Variants in TMEM65 observed in about 807,000 individuals in gnomAD.
TMEM65 encodes the protein transmembrane protein 65.
In TMEM65, 22 loss-of-function variants were observed where a neutral mutation model predicts 25.4. The observed-to-expected ratio is 0.86, with a 90% CI of 0.62 to 1.23. The LOEUF (loss-of-function observed/expected upper bound fraction) is 1.23, where lower values mean the gene tolerates loss of function less well. Among genes scored for constraint, TMEM65 ranks in the 50% most tolerant of loss-of-function variants. The probability of loss-of-function intolerance (pLI) is 0.00; values close to 1 mark genes in which losing one functional copy is unlikely to be tolerated. For missense variants in TMEM65, 262 were observed against 308.2 expected, an observed-to-expected ratio of 0.85 and a Z score of 1.12; for synonymous variants, 132 against 126.2, an observed-to-expected ratio of 1.05 and a Z score of -0.31.
chr8:124,358,917 C>A (rs1814821661), intron 1 of TMEM65, among the ~76,000 whole-genome samples: 1 of 152,174 alleles, frequency 6.6e-6, no homozygotes, highest in African/African-American at 2.4e-5. Context: ...ATGTTTTGAG[C>A]TATCTGAGTT....
At chr8:124,363,769 G>A (rs543859421) in intron 1 of TMEM65, among the ~76,000 whole-genome samples, 39 of 148,770 alleles carry the variant, frequency 2.6e-4, no homozygotes, top group Admixed American at 1.2e-3. Context: ...CCCGGGAGGC[G>A]GAGCTTGCAG....
At chr8:124,318,532 C>T (rs566866731) in intron 6 of TMEM65, among the ~76,000 whole-genome samples, 43 of 151,730 alleles carry the variant, frequency 2.8e-4, no homozygotes, top group African/African-American at 5.8e-4. Flanking sequence ...CCTGCCACCA[C>T]GCCCAGCTAA....
At chr8:124,341,984 G>C (rs1814588714) in intron 1 of TMEM65, among the ~76,000 whole-genome samples, 1 of 151,998 alleles carries the variant, frequency 6.6e-6, no homozygotes, top group Non-Finnish European at 1.5e-5. Context: ...TGCCAAATAA[G>C]TAATGCTAAA....
intron 1 of TMEM65, among the ~76,000 whole-genome samples, chr8:124,337,932 ATT>A (rs1048653291): frequency 6.6e-6 from 1 of 152,040 alleles, no homozygotes; most frequent in African/African-American, 2.4e-5. Context: ...ATTAAAAGGA[ATT>A]TTGAGGTAAA....
At chr8:124,336,150 T>C (rs961173490) in intron 1 of TMEM65, among the ~76,000 whole-genome samples, 1 of 151,866 alleles carries the variant, frequency 6.6e-6, no homozygotes, top group African/African-American at 2.4e-5. Context: ...GACAAAAGGG[T>C]CAATGCATCA....
In TMEM65 at chr8:124,372,240, G is replaced by A; in HGVS notation, c.-83C>T. 8.5e-7 allele frequency: 1 copy of A among 1,175,542 alleles called. No homozygotes were observed. The highest frequency in any genetic ancestry group is 1.8e-5 in the South Asian group (1 of 56,072). 72.8% of individuals were successfully genotyped at this position (1,175,542 alleles called of 1,614,324 possible). ...CTGAGGCGAGAAGGAGCTGGGCTCA[G>A]CTCGACCCCGCCCCGAGGTCCTCCT... On this transcript the variant is annotated 5_prime_UTR_variant, in exon 1 of 7. Transcript: ENST00000297632.
intron 4 of TMEM65, among the ~76,000 whole-genome samples, chr8:124,322,861 T>A (rs1007644314): frequency 2.6e-5 from 4 of 152,014 alleles, no homozygotes; most frequent in African/African-American, 9.7e-5. Flanking sequence ...CCAGGAATGA[T>A]GGCAGGCGCC....
At chr8:124,326,984 G>A (rs1180668494) in intron 3 of TMEM65, among the ~76,000 whole-genome samples, 2 of 151,830 alleles carry the variant, frequency 1.3e-5, no homozygotes, top group African/African-American at 4.8e-5. Context: ...ATTGAACAAG[G>A]AACTAAATCA....
chr8:124,368,019 A>G (rs547329185), intron 1 of TMEM65, among the ~76,000 whole-genome samples: 17 of 152,188 alleles, frequency 1.1e-4, no homozygotes, highest in Non-Finnish European at 2.4e-4. Flanking sequence ...TTTTCAAAAC[A>G]TATCTCTCAT....
intron 1 of TMEM65, among the ~76,000 whole-genome samples, chr8:124,368,675 A>C (rs925400919): frequency 1.5e-4 from 23 of 152,142 alleles, no homozygotes; most frequent in Non-Finnish European, 4.4e-5. Context: ...CATGGGAGGG[A>C]ATTGAGACAT....
chr8:124,320,216 T>C, intron 5 of TMEM65, 25 bp from the exon 6 acceptor site: 1 of 1,546,472 alleles, frequency 6.5e-7, no homozygotes, highest in Non-Finnish European at 8.9e-7. Flanking sequence ...GACAATATGA[T>C]ATATAGGTTA....
At chr8:124,371,469 T>G (rs945407897) in intron 1 of TMEM65, among the ~76,000 whole-genome samples, 1 of 152,172 alleles carries the variant, frequency 6.6e-6, no homozygotes, top group Non-Finnish European at 1.5e-5. Context: ...CCTGCACGGG[T>G]GCACGCTCGC....
At chr8:124,335,447 T>C (rs1814493495) in intron 1 of TMEM65, among the ~76,000 whole-genome samples, 1 of 152,120 alleles carries the variant, frequency 6.6e-6, no homozygotes, top group African/African-American at 2.4e-5. Flanking sequence ...TCTGGGTAAA[T>C]ATAAAAGATT....
chr8:124,342,190 T>C (rs943450037), intron 1 of TMEM65, among the ~76,000 whole-genome samples: 1 of 152,120 alleles, frequency 6.6e-6, no homozygotes, highest in African/African-American at 2.4e-5. Context: ...ATCATGGCCA[T>C]TGTAAGTTTT....
intron 1 of TMEM65, among the ~76,000 whole-genome samples, chr8:124,339,191 C>CAAAAAAAAAA (rs1168433838): frequency 4.6e-5 from 2 of 43,562 alleles, no homozygotes; most frequent in Non-Finnish European, 6.8e-5. Context: ...GACTCTGTCT[C>CAAAAAAAAAA]AAAAAAAAAA....
intron 6 of TMEM65, among the ~76,000 whole-genome samples, chr8:124,318,506 G>A (rs1260125423): frequency 6.7e-6 from 1 of 149,680 alleles, no homozygotes; most frequent in Non-Finnish European, 1.5e-5. Context: ...TCCTGAGTAA[G>A]CTGGGATTAC....
intron 1 of TMEM65, among the ~76,000 whole-genome samples, chr8:124,345,667 T>C (rs983202671): frequency 1.3e-5 from 2 of 152,322 alleles, no homozygotes; most frequent in Admixed American, 1.3e-4. Flanking sequence ...ATTACCGTAT[T>C]AATCCATTCT....
intron 1 of TMEM65, among the ~76,000 whole-genome samples, chr8:124,365,784 G>T (rs944208318): frequency 3.9e-5 from 6 of 152,178 alleles, no homozygotes; most frequent in African/African-American, 1.4e-4. Flanking sequence ...AATACATTCT[G>T]CCCTGGACTC....
chr8:124,325,854 C>T (rs957168251), intron 3 of TMEM65, among the ~76,000 whole-genome samples: 6 of 152,008 alleles, frequency 3.9e-5, no homozygotes, highest in Admixed American at 1.3e-4. Flanking sequence ...CTTGAATAAA[C>T]CATGTTTACA....
Sources: gnomAD v4.1 joint callset for allele counts (sites outside exome capture counted in the v4.1 genomes callset) on GRCh38, gnomAD v4.1.1 for gene constraint, MANE v1.5 for transcripts, NCBI Gene and HGNC (gene_info 2026-07-23, HGNC 2026-07-21) for gene names.